The following SHROOM4 variants were observed in gnomAD, a reference collection of about 807,000 sequenced individuals.
The protein encoded by SHROOM4 is shroom family member 4.
In SHROOM4, 17 loss-of-function variants were observed where a neutral mutation model predicts 80.3. The ratio of observed to expected loss-of-function variants is 0.21; its 90% confidence interval spans 0.14 to 0.32. SHROOM4 has a LOEUF of 0.32. Ranked by LOEUF, SHROOM4 falls within the 10% of genes least tolerant of loss-of-function variation. The pLI is 1.00. For missense variants in SHROOM4, 993 were observed against 1,140.3 expected (o/e 0.87, Z 1.86); for synonymous variants, 400 against 437.5 (o/e 0.91, Z 1.07).
intron 2 of SHROOM4, among the ~76,000 whole-genome samples, chrX:50,670,724 C>G (rs1932789167): frequency 8.9e-6 from 1 of 111,893 alleles, no homozygotes; most frequent in Non-Finnish European, 1.9e-5. Context: ...ACACTCCCAC[C>G]AACAGTGTAA....
chrX:50,630,489 C>T (rs1299234349), intron 4 of SHROOM4, among the ~76,000 whole-genome samples: 2 of 111,229 alleles, frequency 1.8e-5, no homozygotes, highest in African/African-American at 6.6e-5. Flanking sequence ...ATTGTAAGTT[C>T]GGGGGAAGAA....
intron 2 of SHROOM4, among the ~76,000 whole-genome samples, chrX:50,689,603 T>C (rs1300735111): frequency 8.9e-6 from 1 of 111,883 alleles, no homozygotes; most frequent in African/African-American, 3.2e-5. Context: ...CCATTACGAA[T>C]GACATAAATT....
chrX:50,673,511 C>A (rs1360041338), intron 2 of SHROOM4, among the ~76,000 whole-genome samples: 1 of 109,041 alleles, frequency 9.2e-6, no homozygotes, highest in East Asian at 2.8e-4. Flanking sequence ...AAAAAGAGAA[C>A]AAAGAGAAAA....
chrX:50,800,753 C>T (rs1224081761), intron 1 of SHROOM4, among the ~76,000 whole-genome samples: 1 of 110,795 alleles, frequency 9.0e-6, no homozygotes, highest in Admixed American at 9.6e-5. Context: ...GTCTGTAATA[C>T]CAGGCAAAAG....
chrX:50,791,027 T>C lies in SHROOM4; in HGVS notation c.117+22875A>G, dbSNP rs190922994. Among the ~76,000 whole-genome samples, 239 of 110,947 alleles carry C rather than the reference T, an allele frequency of 2.2e-3. 1 individual carries two copies. The highest frequency in any genetic ancestry group is 7.5e-3 in the African/African-American group (229 of 30,554). ...TTTTTACTTACCAGGTAACATGATC[T>C]TGTATGTTGTCAGATAACATGATCT... On this transcript the variant is annotated intron_variant, in intron 1 of 8. Coordinates refer to ENST00000376020, the MANE Select transcript of SHROOM4 (RefSeq NM_020717.5).
At chrX:50,713,559 T>A (rs142660515) in intron 1 of SHROOM4, among the ~76,000 whole-genome samples, 6,331 of 110,558 alleles carry the variant, frequency 0.057, 450 homozygotes, top group African/African-American at 0.2. Flanking sequence ...TGAACCTACC[T>A]AGGAGGTTGA....
intron 1 of SHROOM4, among the ~76,000 whole-genome samples, chrX:50,776,054 A>C (rs1935498515): frequency 9.0e-6 from 1 of 111,668 alleles, no homozygotes; most frequent in South Asian, 3.7e-4. Context: ...CCAGCCTTTG[A>C]GCCAGATGTC....
At chrX:50,800,904 C>T (rs782005497) in intron 1 of SHROOM4, among the ~76,000 whole-genome samples, 1 of 110,387 alleles carries the variant, frequency 9.1e-6, no homozygotes, top group East Asian at 2.9e-4. Flanking sequence ...TTCTTCCTGC[C>T]TGTCCCAGCT....
chrX:50,764,289 A>T (rs1935223313), intron 1 of SHROOM4, among the ~76,000 whole-genome samples: 1 of 110,871 alleles, frequency 9.0e-6, no homozygotes, highest in African/African-American at 3.3e-5. Context: ...CTTCTACCCT[A>T]CAAGTGGGAT....
At chrX:50,781,302 CA>C (rs1935621589) in intron 1 of SHROOM4, among the ~76,000 whole-genome samples, 1 of 111,390 alleles carries the variant, frequency 9.0e-6, no homozygotes, top group Non-Finnish European at 1.9e-5. Flanking sequence ...CAAGTTGACA[CA>C]AAATTAAACA....
Position 50,743,106 on chromosome X carries a change from A to AGT in SHROOM4, c.118-47171_118-47170dup, listed in dbSNP as rs56291087. On this transcript the variant is annotated intron_variant, in intron 1 of 8. Transcript: ENST00000376020. ...GTCCTTTTGACATAACCCATTCAGT[A>AGT]GTGTGTGTGTGTGTGTGTGTGTGTG... Among the ~76,000 whole-genome samples, 214 of 98,254 alleles carry AGT rather than the reference A, an allele frequency of 2.2e-3. 1 individual carries two copies. The highest frequency in any genetic ancestry group is 7.4e-3 in the African/African-American group (199 of 26,954). 85.3% of individuals were successfully genotyped at this position (98,254 alleles called of 115,157 possible). A position where few individuals can be genotyped will look rare whatever the true frequency, so the allele number is the denominator to read the frequency against.
At chrX:50,617,748 A>C (rs1930311870) in intron 5 of SHROOM4, among the ~76,000 whole-genome samples, 1 of 108,995 alleles carries the variant, frequency 9.2e-6, no homozygotes, top group African/African-American at 3.3e-5. Flanking sequence ...ACTGGGCACA[A>C]GGCAACTTGG....
chrX:50,801,904 G>A (rs1557272641), intron 1 of SHROOM4, among the ~76,000 whole-genome samples: 1 of 112,248 alleles, frequency 8.9e-6, no homozygotes, highest in Non-Finnish European at 1.9e-5. Context: ...TTAGCAAGAA[G>A]TGACTTTAGT....
At chrX:50,616,302 T>G (rs2147252265) in intron 5 of SHROOM4, among the ~76,000 whole-genome samples, 1 of 111,695 alleles carries the variant, frequency 9.0e-6, no homozygotes, top group Admixed American at 9.5e-5. Context: ...CTACTGGGCT[T>G]TTACCATTCT....
chrX:50,731,576 G>C (rs2147543727), intron 1 of SHROOM4, among the ~76,000 whole-genome samples: 1 of 111,853 alleles, frequency 8.9e-6, no homozygotes, highest in Non-Finnish European at 1.9e-5. Context: ...AGCTCCAATA[G>C]CCCTTCTCTC....
rs782719702 is a variant in SHROOM4, at chrX:50,607,945, G to A, written c.3197C>T (p.Ala1066Val). ...RAFSESHISLAPQSTRAWGQH... is the reference protein window; with the variant it reads ...RAFSESHISLVPQSTRAWGQH... ...CCCCCAGGCCCGGGTGCTTTGGGGC[G>A]CCAAGCTGATGTGACTCTCTGAGAA... Residue 1066 changes from alanine to valine, a missense_variant, in exon 6 of 9, where the codon GCG becomes GTG. Transcript: ENST00000376020. The A allele has an allele frequency of 1.7e-5, 21 of 1,211,998 alleles. No homozygotes were observed. Among genetic ancestry groups the A allele is most frequent in the Non-Finnish European group, 2.3e-5 (21 of 895,576 alleles).
chrX:50,647,917 T>C (rs1369257439), intron 2 of SHROOM4, among the ~76,000 whole-genome samples: 1 of 112,045 alleles, frequency 8.9e-6, no homozygotes, highest in Non-Finnish European at 1.9e-5. Context: ...GTGAGCAAGG[T>C]GGACTGCAGT....
At position 50,594,552 on chromosome X, in the gene SHROOM4, C is replaced by G. The variant is rs1482123519; in HGVS notation, c.*2143G>C. ...ATGGCCATAGTGTCCAGGTAAGTGA[C>G]CGTTCTTTTCCCTAGGCCCATATTC... On this transcript the variant is annotated 3_prime_UTR_variant, in exon 9 of 9. Transcript: ENST00000376020. The G allele has an allele frequency of 2.7e-5, 3 of 111,532 alleles. No homozygotes were observed. Among genetic ancestry groups the G allele is most frequent in the African/African-American group, 9.8e-5 (3 of 30,666 alleles). 9.2% of individuals were successfully genotyped at this position (111,532 alleles called of 1,213,427 possible). A position where few individuals can be genotyped will look rare whatever the true frequency, so the allele number is the denominator to read the frequency against.
In SHROOM4 at chrX:50,773,603, A is replaced by G. The variant is rs1205771505; in HGVS notation, c.117+40299T>C. 9.8e-5 allele frequency among the ~76,000 whole-genome samples: 11 copies of G among 112,476 alleles called. 1 individual carries two copies. The highest frequency in any genetic ancestry group is 4.7e-4 in the Admixed American group (5 of 10,605). On this transcript the variant is annotated intron_variant, in intron 1 of 8. Transcript: ENST00000376020. ...GTGCTAATTTTAGTACATGACTTAG[A>G]GAATACATGAGATAATAATGATGCT...
Sources: gnomAD v4.1 joint callset for allele counts (sites outside exome capture counted in the v4.1 genomes callset) on GRCh38, gnomAD v4.1.1 for gene constraint, MANE v1.5 for transcripts, NCBI Gene and HGNC (gene_info 2026-07-23, HGNC 2026-07-21) for gene names.